Variants in PIP5K1C observed in about 807,000 individuals in gnomAD.
PIP5K1C encodes the protein phosphatidylinositol-4-phosphate 5-kinase type 1 gamma.
A neutral mutation model predicts 80.1 loss-of-function variants in PIP5K1C; 45 were observed. That is an observed-to-expected ratio of 0.56 (90% CI 0.44 to 0.72). The LOEUF is 0.72. PIP5K1C is among the 30% of genes least tolerant of loss of function. The pLI is 0.00. For synonymous variants in PIP5K1C, 498 were observed against 420.1 expected, an observed-to-expected ratio of 1.19 and a Z score of -2.27; for missense variants, 753 against 954.6, an observed-to-expected ratio of 0.79 and a Z score of 2.78.
At chr19:3,665,265 G>A (rs2034970825) in intron 2 of PIP5K1C, among the ~76,000 whole-genome samples, 1 of 152,188 alleles carries the variant, frequency 6.6e-6, no homozygotes, top group African/African-American at 2.4e-5. Context: ...GTTCTTTGGG[G>A]TGGGGCCACC....
chr19:3,640,914 C>G (rs1307307624), intron 15 of PIP5K1C, among the ~76,000 whole-genome samples: 1 of 152,054 alleles, frequency 6.6e-6, no homozygotes. Context: ...GTCTCGATCT[C>G]CTGACCTCGT....
chr19:3,689,997 G>C (rs2035895144), intron 1 of PIP5K1C, among the ~76,000 whole-genome samples: 1 of 151,988 alleles, frequency 6.6e-6, no homozygotes, highest in East Asian at 1.9e-4. Context: ...AATATAATCT[G>C]AGCCCCAAGT....
At position 3,633,442 on chromosome 19, in the gene PIP5K1C, C is replaced by T. The variant is rs746445460; in HGVS notation, c.1999G>A (p.Asp667Asn). ...TGCACCTGGGCTGCACTTACTGTGT[C>T]GCTCTCGCCGTCGGAGGCCGGGGGG... is the stretch of plus-strand genomic sequence containing the variant. ...QAPPASDGES[D>N]T is the part of the protein sequence containing the mutation. The change falls in exon 17 of 18, where the codon GAC becomes AAC. Residue 667 changes from aspartate to asparagine, a missense_variant. By Grantham distance (23) the Asp-to-Asn change is conservative. Transcript: ENST00000335312. 2.9e-5 allele frequency: 43 copies of T among 1,494,196 alleles called. No homozygotes were observed. Among genetic ancestry groups the T allele is most frequent in the South Asian group, 8.4e-5 (6 of 71,606 alleles). 92.6% of individuals were successfully genotyped at this position (1,494,196 alleles called of 1,614,324 possible). A position where few individuals can be genotyped will look rare whatever the true frequency, so the allele number is the denominator to read the frequency against.
Position 3,686,979 on chromosome 19 carries a change from G to A in PIP5K1C, c.94+13318C>T, listed in dbSNP as rs189580310. 9.9e-4 allele frequency among the ~76,000 whole-genome samples: 150 copies of A among 152,254 alleles called. 4 individuals carry two copies. The East Asian group carries it at 0.025, about 25-fold the overall frequency. On this transcript the variant is annotated intron_variant, in intron 1 of 17. Coordinates refer to ENST00000335312, the MANE Select transcript of PIP5K1C (RefSeq NM_012398.3). ...AGGCCGAGGCAGGTGGATAGCCTAA[G>A]GTCGGCAGTTCGAGAGCAGCCTGGC...
At chr19:3,672,317 G>A (rs1456623894) in intron 1 of PIP5K1C, among the ~76,000 whole-genome samples, 3 of 152,234 alleles carry the variant, frequency 2.0e-5, no homozygotes, top group African/African-American at 7.2e-5. Context: ...CCTGGACACT[G>A]TGTCCCACAC....
intron 15 of PIP5K1C, among the ~76,000 whole-genome samples, chr19:3,641,255 A>G (rs2033949746): frequency 1.3e-5 from 2 of 152,064 alleles, no homozygotes; most frequent in Admixed American, 6.5e-5. Context: ...ATAAAATTAA[A>G]TTAATAAATA....
At chr19:3,647,488 G>T (rs1451291798) in intron 9 of PIP5K1C, 102 bp from the exon 10 acceptor site, 17 of 993,120 alleles carry the variant, frequency 1.7e-5, no homozygotes, top group Non-Finnish European at 2.6e-5. Flanking sequence ...CTGGGCCATG[G>T]CCTCAAGCAG....
At chr19:3,665,844 G>A (rs890335815) in intron 2 of PIP5K1C, among the ~76,000 whole-genome samples, 2 of 152,072 alleles carry the variant, frequency 1.3e-5, no homozygotes, top group African/African-American at 4.8e-5. Flanking sequence ...GCCCCGCCTG[G>A]CACCGTCATT....
intron 3 of PIP5K1C, among the ~76,000 whole-genome samples, chr19:3,664,224 G>C (rs1441305807): frequency 1.3e-5 from 2 of 152,234 alleles, no homozygotes; most frequent in Non-Finnish European, 2.9e-5. Flanking sequence ...GTCGGGATGG[G>C]GGTGACTGCT....
intron 1 of PIP5K1C, among the ~76,000 whole-genome samples, chr19:3,693,622 C>A (rs1359036791): frequency 2.0e-5 from 3 of 152,254 alleles, no homozygotes; most frequent in African/African-American, 7.2e-5. Flanking sequence ...CGTTCACAGC[C>A]CCACCCTGTG....
At position 3,686,731 on chromosome 19, in the gene PIP5K1C, TAAATAAAATA is replaced by T. The variant is rs536772980; in HGVS notation, c.94+13556_94+13565del. Among the ~76,000 whole-genome samples, 397 of 149,334 alleles carry T rather than the reference TAAATAAAATA, an allele frequency of 2.7e-3. 3 individuals carry two copies. The highest frequency in any genetic ancestry group is 7.5e-3 in the African/African-American group (305 of 40,622). Reference sequence around the variant, plus strand: ...GAAACTCCGTCTCAAAATAAATAAATAAATAAAATAAAATAAAATAAAATAAAATAAAATA... The same window carrying T: ...GAAACTCCGTCTCAAAATAAATAAATAAATAAAATAAAATAAAATAAAATA... On this transcript the variant is annotated intron_variant, in intron 1 of 17. Coordinates refer to ENST00000335312, the MANE Select transcript of PIP5K1C (RefSeq NM_012398.3).
At chr19:3,687,722 G>A (rs1317334214) in intron 1 of PIP5K1C, among the ~76,000 whole-genome samples, 1 of 152,146 alleles carries the variant, frequency 6.6e-6, no homozygotes, top group African/African-American at 2.4e-5. Context: ...CACGGTGGAG[G>A]GACAGCCTGG....
rs775398523 is a variant in PIP5K1C at position 3,653,335 on chromosome 19, G to A, written c.876C>T (p.Ala292=). The part of the protein sequence containing the change: ...QDMPEGLLLD[A]DTFSALVKTL... Reference sequence around the variant, plus strand: ...TCTTGACCAGGGCGCTGAAGGTGTCGGCGTCCAGCAGGAGCCCCTCGGGCA... The same window carrying A: ...TCTTGACCAGGGCGCTGAAGGTGTCAGCGTCCAGCAGGAGCCCCTCGGGCA... The change falls in exon 7 of 18, where the codon GCC becomes GCT. Residue 292 remains alanine, a synonymous_variant. Transcript: ENST00000335312. 6.8e-6 allele frequency: 11 copies of A among 1,611,068 alleles called. No individual in the cohort carries two copies. The highest frequency in any genetic ancestry group is 2.2e-5 in the South Asian group (2 of 91,088).
intron 5 of PIP5K1C, 38 bp downstream of exon 5, chr19:3,660,928 T>G (rs763605038): frequency 6.5e-7 from 1 of 1,530,496 alleles, no homozygotes; most frequent in Admixed American, 1.7e-5. Context: ...ACATGTTCTG[T>G]TTCAAGCCTG....
chr19:3,684,388 C>T (rs946926289), intron 1 of PIP5K1C, among the ~76,000 whole-genome samples: 21 of 152,376 alleles, frequency 1.4e-4, no homozygotes, highest in Admixed American at 1.3e-3. Flanking sequence ...AATTCCTTCC[C>T]CTTGAAAGTG....
chr19:3,638,167 C>G (rs911229277), intron 16 of PIP5K1C, among the ~76,000 whole-genome samples: 2 of 152,172 alleles, frequency 1.3e-5, no homozygotes, highest in African/African-American at 4.8e-5. Flanking sequence ...TCCCTGTGAC[C>G]TGGGGCTGCC....
intron 1 of PIP5K1C, among the ~76,000 whole-genome samples, chr19:3,694,732 C>T (rs1367470042): frequency 2.0e-5 from 3 of 152,238 alleles, no homozygotes; most frequent in African/African-American, 4.8e-5. Context: ...GCGACTATTC[C>T]GCTGCCTACA....
chr19:3,643,960 C>A (rs552293481), intron 12 of PIP5K1C, 127 bp downstream of exon 12: 10 of 1,127,452 alleles, frequency 8.9e-6, no homozygotes, highest in Non-Finnish European at 8.9e-6. Context: ...CCTGGGCAGG[C>A]GGCCCTGCAG....
chr19:3,669,042 G>C (rs1600037066), intron 1 of PIP5K1C, among the ~76,000 whole-genome samples: 1 of 152,204 alleles, frequency 6.6e-6, no homozygotes, highest in Admixed American at 6.5e-5. Context: ...AATCACAGGG[G>C]CTGTGGGTCA....
Sources: gnomAD v4.1 joint callset for allele counts (sites outside exome capture counted in the v4.1 genomes callset) on GRCh38, gnomAD v4.1.1 for gene constraint, MANE v1.5 for transcripts, NCBI Gene and HGNC (gene_info 2026-07-23, HGNC 2026-07-21) for gene names.